The following CNPY1 variants were observed in gnomAD, a reference collection of about 807,000 sequenced individuals.
CNPY1 encodes canopy FGF signaling regulator 1.
CNPY1 carries 14 observed loss-of-function variants against 14.4 expected under a neutral mutation model. The ratio of observed to expected loss-of-function variants is 0.97; its 90% CI spans 0.64 to 1.52. The LOEUF is 1.52. CNPY1 is among the 40% of genes most tolerant of loss of function. CNPY1 has a pLI of 0.00. For missense variants in CNPY1, 129 were observed against 131.5 expected, an observed-to-expected ratio of 0.98 and a Z score of 0.09; for synonymous variants, 43 against 46.5, an observed-to-expected ratio of 0.92 and a Z score of 0.31.
In CNPY1 at chr7:155,515,446, A is replaced by G. The variant is rs1796603201; in HGVS notation, c.100-6349T>C. Among the ~76,000 whole-genome samples the G allele has an allele frequency of 2.0e-5, 3 of 151,962 alleles. No homozygotes were observed. In the South Asian group the frequency reaches 6.2e-4, roughly 32 times the overall value. On this transcript the variant is annotated intron_variant, in intron 2 of 4. Coordinates refer to ENST00000636446, the MANE Select transcript of CNPY1 (RefSeq NM_001393663.1). ...TGCTGCAGGGTGCTGGGCTCCCCCC[A>G]TGGGAGACGCCTCACCCACTGAAAT...
intron 2 of CNPY1, among the ~76,000 whole-genome samples, chr7:155,515,117 G>A (rs1461456960): frequency 6.6e-6 from 1 of 152,098 alleles, no homozygotes; most frequent in Non-Finnish European, 1.5e-5. Context: ...CTGGCTTCTG[G>A]CAAGCAAACC....
chr7:155,523,563 C>T (rs970353727), intron 2 of CNPY1, among the ~76,000 whole-genome samples: 11 of 152,182 alleles, frequency 7.2e-5, no homozygotes, highest in South Asian at 4.1e-4. Flanking sequence ...ACAGAGGGAC[C>T]GGAGCAACAC....
chr7:155,525,759 T>G (rs1796808701), intron 2 of CNPY1, among the ~76,000 whole-genome samples: 2 of 152,236 alleles, frequency 1.3e-5, no homozygotes, highest in South Asian at 4.1e-4. Flanking sequence ...ACTCTTTTTA[T>G]ATCATGCTAG....
intron 3 of CNPY1, among the ~76,000 whole-genome samples, chr7:155,507,471 T>TAAAAAAAAAAAAAAAAAAAAAAAAAA (rs35711313): frequency 9.2e-5 from 5 of 54,142 alleles, no homozygotes; most frequent in African/African-American, 4.9e-4. Flanking sequence ...GTTTTTAAAC[T>TAAAAAAAAAAAAAAAAAAAAAAAAAA]AAAAAAAAAA....
chr7:155,541,175 G>C (rs1399507462), intron 2 of CNPY1, among the ~76,000 whole-genome samples: 1 of 152,176 alleles, frequency 6.6e-6, no homozygotes, highest in Non-Finnish European at 1.5e-5. Flanking sequence ...GGACTTTAGT[G>C]AGTGCTCCCC....
At chr7:155,512,733 A>G (rs1299195422) in intron 2 of CNPY1, among the ~76,000 whole-genome samples, 1 of 152,190 alleles carries the variant, frequency 6.6e-6, no homozygotes, top group Non-Finnish European at 1.5e-5. Flanking sequence ...TCGTTGTGGT[A>G]TATCTGTCTC....
intron 4 of CNPY1, among the ~76,000 whole-genome samples, chr7:155,504,788 C>A (rs898811620): frequency 2.0e-5 from 3 of 151,848 alleles, no homozygotes; most frequent in Admixed American, 6.6e-5. Context: ...AGCTGTTGGG[C>A]AAGATCACAA....
chr7:155,508,080 C>T (rs562228875), intron 3 of CNPY1, among the ~76,000 whole-genome samples: 1 of 152,284 alleles, frequency 6.6e-6, no homozygotes, highest in East Asian at 1.9e-4. Context: ...GGCTAAAGCC[C>T]TTATTTCAAG....
intron 2 of CNPY1, among the ~76,000 whole-genome samples, chr7:155,514,511 G>C (rs1006279824): frequency 6.6e-6 from 1 of 152,160 alleles, no homozygotes; most frequent in Non-Finnish European, 1.5e-5. Flanking sequence ...CTAGAAGAGC[G>C]GAAAAGTCCT....
chr7:155,525,805 C>T (rs747016413), intron 2 of CNPY1, among the ~76,000 whole-genome samples: 5 of 152,224 alleles, frequency 3.3e-5, no homozygotes, highest in Admixed American at 6.5e-5. Flanking sequence ...CCAGACACAA[C>T]GTCATTAAAT....
intron 2 of CNPY1, among the ~76,000 whole-genome samples, chr7:155,540,468 C>T (rs992182133): frequency 1.3e-5 from 2 of 152,228 alleles, no homozygotes; most frequent in Non-Finnish European, 2.9e-5. Context: ...AAGCTAATTA[C>T]AGTGGCCCAG....
At chr7:155,529,287 C>A (rs988456485) in intron 2 of CNPY1, among the ~76,000 whole-genome samples, 7 of 152,166 alleles carry the variant, frequency 4.6e-5, no homozygotes, top group African/African-American at 1.7e-4. Context: ...GGACCCTGAG[C>A]CTCCAACCAT....
chr7:155,527,057 T>TCTTTCTTTCTTTCTTTCTTTCTTTTC (rs1554449558), intron 2 of CNPY1, among the ~76,000 whole-genome samples: 1 of 92,508 alleles, frequency 1.1e-5, no homozygotes, highest in Non-Finnish European at 2.2e-5. Flanking sequence ...TTTCTTTCTT[T>TCTTTCTTTCTTTCTTTCTTTCTTTTC]TTTTTTTTTT....
At chr7:155,538,959 C>G (rs754038895) in intron 2 of CNPY1, among the ~76,000 whole-genome samples, 1 of 152,172 alleles carries the variant, frequency 6.6e-6, no homozygotes, top group East Asian at 1.9e-4. Flanking sequence ...CCAAAGGAGA[C>G]CAGTGCCAGG....
rs1796128619 is a variant in CNPY1 at position 155,502,003 on chromosome 7, T to TGGGGGGGTGG, written c.*1064_*1065insCCACCCCCCC. On this transcript the variant is annotated 3_prime_UTR_variant, in exon 5 of 5. Transcript: ENST00000636446. ...GCAAAGAGTTTTGGGTCGGGGGGGT[T>TGGGGGGGTGG]GGGGGGGGGATTTGTAGCATCCTAC... 8.0e-6 allele frequency: 1 copy of TGGGGGGGTGG among 125,322 alleles called. No individual in the cohort carries two copies. The highest frequency in any genetic ancestry group is 1.7e-5 in the Non-Finnish European group (1 of 60,130). 7.8% of individuals were successfully genotyped at this position (125,322 alleles called of 1,614,324 possible).
At chr7:155,523,355 C>T (rs1175324123) in intron 2 of CNPY1, among the ~76,000 whole-genome samples, 3 of 152,128 alleles carry the variant, frequency 2.0e-5, no homozygotes, top group Non-Finnish European at 2.9e-5. Flanking sequence ...GTCGGTGTGG[C>T]GGGGGCAGGG....
chr7:155,507,246 GC>G lies in CNPY1; in HGVS notation c.304-131del, dbSNP rs1407814746. The G allele has an allele frequency of 4.1e-4, 268 of 656,296 alleles. 1 individual carries two copies. In the East Asian group the frequency reaches 7.6e-3, roughly 19 times the overall value. 40.7% of individuals were successfully genotyped at this position (656,296 alleles called of 1,614,324 possible). A position where few individuals can be genotyped will look rare whatever the true frequency, so the allele number is the denominator to read the frequency against. On this transcript the variant is annotated intron_variant, in intron 3 of 4. Transcript: ENST00000636446. ...TAACCAAGGTGGTCCATTTTTATTC[GC>G]CCTTTTGGTTTAATACATCATTGCA... is the stretch of plus-strand genomic sequence containing the variant.
chr7:155,542,000 T>C (rs555249325), intron 2 of CNPY1, among the ~76,000 whole-genome samples: 5 of 142,060 alleles, frequency 3.5e-5, no homozygotes, highest in East Asian at 2.1e-4. Context: ...AGGCAGCCAA[T>C]GAACGCTGTG....
intron 2 of CNPY1, among the ~76,000 whole-genome samples, chr7:155,540,639 G>T (rs757306811): frequency 6.6e-6 from 1 of 152,254 alleles, no homozygotes; most frequent in Non-Finnish European, 1.5e-5. Flanking sequence ...CCGAGGCAGA[G>T]GACGCCCCTG....
Sources: allele counts gnomAD v4.1 joint callset (sites outside exome capture counted in the v4.1 genomes callset), GRCh38; gene constraint gnomAD v4.1.1; transcripts MANE v1.5; gene names NCBI Gene and HGNC (gene_info 2026-07-23, HGNC 2026-07-21).